The following NAALADL2 variants were observed in gnomAD, a reference collection of about 807,000 sequenced individuals.
The protein encoded by NAALADL2 is N-acetylated alpha-linked acidic dipeptidase like 2, also known as inactive N-acetylated-alpha-linked acidic dipeptidase-like protein 2.
Under a neutral mutation model 87.2 loss-of-function variants are expected in NAALADL2, and 76 were observed. The ratio of observed to expected loss-of-function variants is 0.87; its 90% confidence interval spans 0.72 to 1.05. The LOEUF (loss-of-function observed/expected upper bound fraction) is 1.05, where lower values mean the gene tolerates loss of function less well. Among genes scored for constraint, NAALADL2 ranks in the 50% least tolerant of loss-of-function variants. NAALADL2 has a pLI of 0.00. For synonymous variants in NAALADL2, 354 were observed against 331.0 expected (o/e 1.07, Z -0.75); for missense variants, 1,089 against 945.8 (o/e 1.15, Z -1.99).
At chr3:174,895,733 A>T (rs1248597240) in intron 1 of NAALADL2, among the ~76,000 whole-genome samples, 2 of 152,072 alleles carry the variant, frequency 1.3e-5, no homozygotes, top group Admixed American at 1.3e-4. Flanking sequence ...AAACAAAAAA[A>T]CGAAAGCAAA....
intron 2 of NAALADL2, among the ~76,000 whole-genome samples, chr3:174,728,012 G>A (rs1348459768): frequency 6.6e-6 from 1 of 151,970 alleles, no homozygotes; most frequent in Non-Finnish European, 1.5e-5. Flanking sequence ...TTACTAATAT[G>A]TACTTAAGGC....
chr3:175,070,775 G>T (rs933795957), intron 1 of NAALADL2, among the ~76,000 whole-genome samples: 1 of 151,958 alleles, frequency 6.6e-6, no homozygotes, highest in African/African-American at 2.4e-5. Context: ...CCATATTAAA[G>T]TAAATACATA....
chr3:174,845,597 C>T (rs1724531874), intron 3 of NAALADL2, among the ~76,000 whole-genome samples: 1 of 152,188 alleles, frequency 6.6e-6, no homozygotes, highest in African/African-American at 2.4e-5. Context: ...AGGTTTTCAG[C>T]CCAGGGCTGG....
intron 2 of NAALADL2, among the ~76,000 whole-genome samples, chr3:174,653,272 T>C (rs1724564355): frequency 6.6e-6 from 1 of 152,168 alleles, no homozygotes; most frequent in Non-Finnish European, 1.5e-5. Context: ...CAAATGTCCA[T>C]CCACAGTAGA....
Position 174,991,187 on chromosome 3 carries a change from A to G in NAALADL2, c.44-105603A>G, listed in dbSNP as rs371398279. Reference sequence around the variant, plus strand: ...TGTATATTTAGTCTTCATTCATTCAATAAGTTATTATTGAGTACCGCTGTA... The same window carrying G: ...TGTATATTTAGTCTTCATTCATTCAGTAAGTTATTATTGAGTACCGCTGTA... On this transcript the variant is annotated intron_variant, in intron 1 of 13. Transcript: ENST00000454872. Among the ~76,000 whole-genome samples, 16 of 152,262 alleles carry G rather than the reference A, an allele frequency of 1.1e-4. No individual in the cohort carries two copies. In the East Asian group the frequency reaches 2.5e-3, roughly 24 times the overall value.
chr3:175,017,355 T>G (rs1580049538), intron 1 of NAALADL2, among the ~76,000 whole-genome samples: 1 of 152,138 alleles, frequency 6.6e-6, no homozygotes, highest in African/African-American at 2.4e-5. Context: ...TTCACAACCA[T>G]CCTTCAAGGT....
chr3:175,667,309 C>T (rs975844935), intron 11 of NAALADL2, among the ~76,000 whole-genome samples: 1 of 151,990 alleles, frequency 6.6e-6, no homozygotes, highest in East Asian at 1.9e-4. Context: ...TGACTAATTT[C>T]TATTGGTCAG....
rs115441219 is a variant in NAALADL2, at chr3:175,098,274, G to T, written c.545+983G>T. 7.7e-3 allele frequency among the ~76,000 whole-genome samples: 1,175 copies of T among 152,144 alleles called. 12 individuals are homozygous for T. Among genetic ancestry groups the T allele is most frequent in the African/African-American group, 0.027 (1,114 of 41,486 alleles). ...TAAAATTGTTTACATTGAGCTAAAAGATATGCTGTTACCTTATAATGAATG... is the reference window on the plus strand; with the variant it reads ...TAAAATTGTTTACATTGAGCTAAAATATATGCTGTTACCTTATAATGAATG... On this transcript the variant is annotated intron_variant, in intron 2 of 13. Coordinates refer to ENST00000454872, the MANE Select transcript of NAALADL2 (RefSeq NM_207015.3).
chr3:175,036,691 G>A (rs765186830), intron 1 of NAALADL2, among the ~76,000 whole-genome samples: 1 of 151,874 alleles, frequency 6.6e-6, no homozygotes, highest in Non-Finnish European at 1.5e-5. Flanking sequence ...GAACCACTGC[G>A]CCCAGCCCAT....
At chr3:175,423,028 A>AAAATATAT (rs1438736874) in intron 5 of NAALADL2, among the ~76,000 whole-genome samples, 2 of 111,318 alleles carry the variant, frequency 1.8e-5, no homozygotes, top group African/African-American at 8.2e-5. Flanking sequence ...GAAAAAAAAA[A>AAAATATAT]ATATATATAT....
intron 13 of NAALADL2, among the ~76,000 whole-genome samples, chr3:175,761,937 T>C (rs532857176): frequency 1.3e-5 from 2 of 152,280 alleles, no homozygotes; most frequent in Admixed American, 1.3e-4. Flanking sequence ...ATATTTTCTC[T>C]CAGACTATGG....
intron 3 of NAALADL2, among the ~76,000 whole-genome samples, chr3:174,787,601 A>ATATATATATATATATATATATATG (rs1553855424): frequency 8.8e-5 from 8 of 91,184 alleles, no homozygotes; most frequent in African/African-American, 2.7e-4. Context: ...ATATATATAT[A>ATATATATATATATATATATATATG]TATATATATA....
At chr3:174,949,061 A>C (rs924320758) in intron 1 of NAALADL2, among the ~76,000 whole-genome samples, 1 of 152,102 alleles carries the variant, frequency 6.6e-6, no homozygotes, top group South Asian at 2.1e-4. Flanking sequence ...TAAAGACACA[A>C]ATTCCTTTTA....
intron 4 of NAALADL2, among the ~76,000 whole-genome samples, chr3:175,314,085 A>T (rs1758729485): frequency 6.6e-6 from 1 of 151,472 alleles, no homozygotes; most frequent in Admixed American, 6.6e-5. Context: ...AAAAAAAAAA[A>T]AAAAAGAAAA....
chr3:175,424,332 C>T (rs1373485731), intron 5 of NAALADL2, among the ~76,000 whole-genome samples: 3 of 152,126 alleles, frequency 2.0e-5, no homozygotes, highest in Non-Finnish European at 4.4e-5. Context: ...AAGTCCTTGC[C>T]TGTGCCTATG....
chr3:175,448,913 G>A (rs1276492526), intron 6 of NAALADL2, among the ~76,000 whole-genome samples: 3 of 152,038 alleles, frequency 2.0e-5, no homozygotes, highest in East Asian at 3.9e-4. Context: ...ACAGGGTCTC[G>A]CTAAGTTGCC....
intron 3 of NAALADL2, among the ~76,000 whole-genome samples, chr3:174,824,393 A>C (rs73881523): frequency 0.019 from 2,926 of 152,312 alleles, 102 homozygotes; most frequent in African/African-American, 0.066. Flanking sequence ...TCTGATGAAT[A>C]TTCTGATTTC....
At chr3:174,691,962 C>A (rs563950134) in intron 2 of NAALADL2, 1 of 152,256 alleles carries the variant, frequency 6.6e-6, no homozygotes, top group South Asian at 2.1e-4. Flanking sequence ...CTACTTTTAC[C>A]ACATCTGCAG....
intron 9 of NAALADL2, among the ~76,000 whole-genome samples, chr3:175,489,346 G>A (rs889395988): frequency 1.3e-5 from 2 of 152,094 alleles, no homozygotes; most frequent in Non-Finnish European, 2.9e-5. Flanking sequence ...ATTAAAAATA[G>A]TTAAATTGGT....
Sources: gnomAD v4.1 joint callset for allele counts (sites outside exome capture counted in the v4.1 genomes callset) on GRCh38, gnomAD v4.1.1 for gene constraint, MANE v1.5 for transcripts, NCBI Gene and HGNC (gene_info 2026-07-23, HGNC 2026-07-21) for gene names.